The following EPHB1 variants were observed in gnomAD, a reference collection of about 807,000 sequenced individuals.
The protein encoded by EPHB1 is EPH receptor B1.
EPHB1 carries 30 observed loss-of-function variants against 94.4 expected under a neutral mutation model. That is an observed-to-expected ratio of 0.32 (90% CI 0.24 to 0.43). The LOEUF is 0.43. EPHB1 is among the 20% of genes least tolerant of loss of function. The pLI is 1.00. For missense variants in EPHB1, 1,055 were observed against 1,308.3 expected, an observed-to-expected ratio of 0.81 and a Z score of 2.99; for synonymous variants, 522 against 489.1, an observed-to-expected ratio of 1.07 and a Z score of -0.89.
chr3:135,031,740 A>C (rs1188702905), intron 3 of EPHB1, among the ~76,000 whole-genome samples: 14 of 152,344 alleles, frequency 9.2e-5, no homozygotes, highest in African/African-American at 3.4e-4. Context: ...CAGATAGTTC[A>C]GATGATCTCC....
intron 1 of EPHB1, among the ~76,000 whole-genome samples, chr3:134,799,228 T>C (rs1337891347): frequency 1.3e-5 from 2 of 152,212 alleles, no homozygotes; most frequent in African/African-American, 4.8e-5. Flanking sequence ...AACCCCAAAC[T>C]AAGCCCACGT....
intron 12 of EPHB1, among the ~76,000 whole-genome samples, chr3:135,214,641 A>G (rs1360200083): frequency 3.3e-5 from 5 of 152,178 alleles, no homozygotes; most frequent in Non-Finnish European, 2.9e-5. Context: ...ACACACACCC[A>G]TTATCCATTA....
At chr3:135,073,113 A>G (rs1937782101) in intron 3 of EPHB1, among the ~76,000 whole-genome samples, 1 of 122,226 alleles carries the variant, frequency 8.2e-6, no homozygotes, top group Non-Finnish European at 1.8e-5. Context: ...CAGATTTTAT[A>G]TGAAAAATCA....
intron 3 of EPHB1, among the ~76,000 whole-genome samples, chr3:135,092,024 G>A (rs191409679): frequency 6.6e-6 from 1 of 152,278 alleles, no homozygotes; most frequent in African/African-American, 2.4e-5. Flanking sequence ...TGTCAGGGAG[G>A]AAAGTGCTTA....
intron 3 of EPHB1, among the ~76,000 whole-genome samples, chr3:135,086,981 T>C (rs983440387): frequency 4.6e-5 from 7 of 152,224 alleles, no homozygotes; most frequent in Admixed American, 6.5e-5. Flanking sequence ...AACTTCTGAA[T>C]TGAGAATCTG....
chr3:134,829,152 A>G (rs774833945), intron 1 of EPHB1, among the ~76,000 whole-genome samples: 31 of 152,370 alleles, frequency 2.0e-4, no homozygotes, highest in Non-Finnish European at 3.5e-4. Flanking sequence ...TTAAGGAATA[A>G]AATTCTGTGA....
intron 4 of EPHB1, among the ~76,000 whole-genome samples, chr3:135,126,851 T>G (rs7625747): frequency 0.14 from 21,350 of 152,180 alleles, 1,604 homozygotes; most frequent in Middle Eastern, 0.22. Flanking sequence ...TTCCATGACC[T>G]CACGGCTTTC....
At chr3:134,956,272 G>A (rs930881914) in intron 3 of EPHB1, among the ~76,000 whole-genome samples, 8 of 152,146 alleles carry the variant, frequency 5.3e-5, no homozygotes, top group African/African-American at 1.9e-4. Context: ...CCTAGCTGGA[G>A]CACTATGCAT....
chr3:134,947,867 T>C (rs1242502110), intron 2 of EPHB1, among the ~76,000 whole-genome samples: 2 of 152,194 alleles, frequency 1.3e-5, no homozygotes, highest in East Asian at 3.9e-4. Context: ...CGAGCATGGC[T>C]TACTGCAGCC....
intron 4 of EPHB1, among the ~76,000 whole-genome samples, chr3:135,115,376 G>A (rs1011771882): frequency 2.6e-5 from 4 of 152,102 alleles, no homozygotes; most frequent in African/African-American, 7.2e-5. Flanking sequence ...TGCTCCAATT[G>A]TTCACCTCTA....
At position 135,175,973 on chromosome 3, in the gene EPHB1, T is replaced by C. The variant is rs555030359; in HGVS notation, c.1760-3887T>C. On this transcript the variant is annotated intron_variant, in intron 9 of 15. Coordinates refer to ENST00000398015, the MANE Select transcript of EPHB1 (RefSeq NM_004441.5). ...GCAAGTGGGAGCAGGAACATGCTGA[T>C]GTAGGATTTATGCAGAAACACAAAA... Among the ~76,000 whole-genome samples, 6 of 152,304 alleles carry C rather than the reference T, an allele frequency of 3.9e-5. No individual in the cohort carries two copies. The East Asian group carries it at 1.2e-3, about 29-fold the overall frequency.
At chr3:134,959,269 T>A (rs1369064593) in intron 3 of EPHB1, among the ~76,000 whole-genome samples, 1 of 152,106 alleles carries the variant, frequency 6.6e-6, no homozygotes, top group African/African-American at 2.4e-5. Flanking sequence ...GGTATGGAGA[T>A]GCTGAGAGAC....
At chr3:135,207,985 TCACCCA>T (rs1350967406) in intron 12 of EPHB1, among the ~76,000 whole-genome samples, 24 of 152,280 alleles carry the variant, frequency 1.6e-4, no homozygotes, top group African/African-American at 5.8e-4. Flanking sequence ...CCTTCAAATA[TCACCCA>T]ATTGGGGATT....
At chr3:135,009,387 C>T (rs1341364565) in intron 3 of EPHB1, among the ~76,000 whole-genome samples, 1 of 152,152 alleles carries the variant, frequency 6.6e-6, no homozygotes, top group African/African-American at 2.4e-5. Context: ...TATTAAAGGG[C>T]CTGGGTGTCT....
At chr3:135,257,824 T>A (rs1253326353) in intron 15 of EPHB1, among the ~76,000 whole-genome samples, 5 of 152,128 alleles carry the variant, frequency 3.3e-5, no homozygotes, top group Non-Finnish European at 7.4e-5. Flanking sequence ...GGCTGCTGCC[T>A]TGCAGTTTGA....
At chr3:135,112,644 G>A (rs768875359) in intron 4 of EPHB1, among the ~76,000 whole-genome samples, 3 of 149,268 alleles carry the variant, frequency 2.0e-5, no homozygotes, top group Non-Finnish European at 4.4e-5. Context: ...GCGGTGTTTG[G>A]TTTTTTGTCC....
At chr3:135,026,188 CT>C (rs1321227872) in intron 3 of EPHB1, among the ~76,000 whole-genome samples, 1 of 142,386 alleles carries the variant, frequency 7.0e-6, no homozygotes. Context: ...ATGGTAGTTT[CT>C]TTTGCTGTGC....
intron 3 of EPHB1, among the ~76,000 whole-genome samples, chr3:135,086,592 T>A (rs1938371128): frequency 6.6e-6 from 1 of 151,864 alleles, no homozygotes; most frequent in Non-Finnish European, 1.5e-5. Flanking sequence ...GTGCCTACCT[T>A]CATTTTGCCT....
intron 4 of EPHB1, among the ~76,000 whole-genome samples, chr3:135,128,402 C>T (rs1264728115): frequency 6.6e-6 from 1 of 152,248 alleles, no homozygotes; most frequent in Non-Finnish European, 1.5e-5. Context: ...GACGCCAAAT[C>T]TACCCTGGTC....
Sources: gnomAD v4.1 joint callset for allele counts (sites outside exome capture counted in the v4.1 genomes callset) on GRCh38, gnomAD v4.1.1 for gene constraint, MANE v1.5 for transcripts, NCBI Gene and HGNC (gene_info 2026-07-23, HGNC 2026-07-21) for gene names.